The following AUTS2 variants were observed in gnomAD, a reference collection of about 807,000 sequenced individuals.
AUTS2 encodes autism susceptibility gene 2 protein.
Under a neutral mutation model 112.4 loss-of-function variants are expected in AUTS2, and 17 were observed. The observed-to-expected ratio is 0.15, with a 90% CI of 0.10 to 0.23. AUTS2 has a LOEUF of 0.23. AUTS2 is among the 10% of genes least tolerant of loss of function. AUTS2 has a pLI of 1.00. For missense variants in AUTS2, 1,510 were observed against 1,701.6 expected (o/e 0.89, Z 1.98); for synonymous variants, 751 against 702.7 (o/e 1.07, Z -1.09).
intron 5 of AUTS2, among the ~76,000 whole-genome samples, chr7:70,447,711 C>G (rs1170193489): frequency 1.3e-5 from 2 of 152,142 alleles, no homozygotes; most frequent in East Asian, 3.9e-4. Flanking sequence ...AACTGTAATA[C>G]GTTGGAATAC....
rs543562068 is a variant in AUTS2, at chr7:70,328,640, C to T, written c.661-107112C>T. On this transcript the variant is annotated intron_variant, in intron 4 of 18. Coordinates refer to ENST00000342771, the MANE Select transcript of AUTS2 (RefSeq NM_015570.4). ...GCTTGGAAGTTGTAGACCTTACTCT[C>T]AAGAAGTTTCTGTGCAAGAGAGCAA... is the stretch of plus-strand genomic sequence containing the variant. Among the ~76,000 whole-genome samples, 7 of 152,196 alleles carry T rather than the reference C, an allele frequency of 4.6e-5. No individual in the cohort carries two copies. In the East Asian group the frequency reaches 1.4e-3, roughly 29 times the overall value.
chr7:69,839,498 T>A (rs1052358598), intron 1 of AUTS2, among the ~76,000 whole-genome samples: 7 of 152,186 alleles, frequency 4.6e-5, no homozygotes, highest in Non-Finnish European at 8.8e-5. Context: ...TCTTCTATAA[T>A]AGGACCTTAT....
intron 1 of AUTS2, among the ~76,000 whole-genome samples, chr7:69,732,217 G>A (rs910535348): frequency 1.3e-5 from 2 of 152,068 alleles, no homozygotes; most frequent in Admixed American, 6.6e-5. Flanking sequence ...AGTACTTACT[G>A]CTGCTGTCTC....
At chr7:70,174,372 A>C (rs967568437) in intron 4 of AUTS2, among the ~76,000 whole-genome samples, 1 of 152,260 alleles carries the variant, frequency 6.6e-6, no homozygotes, top group Non-Finnish European at 1.5e-5. Flanking sequence ...GAAAGGAACT[A>C]TCTCTAGAAC....
intron 4 of AUTS2, among the ~76,000 whole-genome samples, chr7:70,401,321 C>T (rs1794317535): frequency 6.6e-6 from 1 of 152,170 alleles, no homozygotes; most frequent in Non-Finnish European, 1.5e-5. Flanking sequence ...TCAGCTCCTC[C>T]TGGGGAAGCC....
chr7:69,805,526 T>TA (rs1345576711), intron 1 of AUTS2, among the ~76,000 whole-genome samples: 1 of 151,796 alleles, frequency 6.6e-6, no homozygotes, highest in Non-Finnish European at 1.5e-5. Context: ...AATGTGACTA[T>TA]AAAAAAGAAC....
chr7:70,629,021 G>A (rs1563086716), intron 5 of AUTS2, among the ~76,000 whole-genome samples: 1 of 152,114 alleles, frequency 6.6e-6, no homozygotes, highest in Non-Finnish European at 1.5e-5. Context: ...CTGAGGTTCT[G>A]GTGGCAGGTT....
chr7:70,313,977 G>A (rs1485199522), intron 4 of AUTS2, among the ~76,000 whole-genome samples: 2 of 152,196 alleles, frequency 1.3e-5, no homozygotes, highest in African/African-American at 2.4e-5. Flanking sequence ...TACATAGTAG[G>A]AGCGATGGTT....
At chr7:70,752,297 T>G (rs1047654548) in intron 6 of AUTS2, among the ~76,000 whole-genome samples, 2 of 152,120 alleles carry the variant, frequency 1.3e-5, no homozygotes, top group African/African-American at 2.4e-5. Context: ...TTTAAAAGCT[T>G]TCTCCGAAAC....
At chr7:69,692,024 A>C (rs1797370598) in intron 1 of AUTS2, among the ~76,000 whole-genome samples, 1 of 152,094 alleles carries the variant, frequency 6.6e-6, no homozygotes, top group Non-Finnish European at 1.5e-5. Flanking sequence ...CCAGCTGAGC[A>C]CCTTAGAGCT....
At chr7:70,710,954 A>G (rs1465136046) in intron 6 of AUTS2, among the ~76,000 whole-genome samples, 2 of 152,250 alleles carry the variant, frequency 1.3e-5, no homozygotes, top group African/African-American at 4.8e-5. Flanking sequence ...ACATCAAATC[A>G]GTTTGATTTC....
chr7:70,407,476 T>G (rs1181366877), intron 4 of AUTS2, among the ~76,000 whole-genome samples: 1 of 152,120 alleles, frequency 6.6e-6, no homozygotes, highest in Non-Finnish European at 1.5e-5. Flanking sequence ...AAAATAAAAA[T>G]CTCAGCATCA....
intron 2 of AUTS2, among the ~76,000 whole-genome samples, chr7:69,951,166 A>C (rs1797011477): frequency 6.6e-6 from 1 of 152,180 alleles, no homozygotes. Flanking sequence ...TATTTGACTC[A>C]GCAAAAATAG....
At chr7:69,700,169 G>T (rs1371859247) in intron 1 of AUTS2, among the ~76,000 whole-genome samples, 1 of 152,150 alleles carries the variant, frequency 6.6e-6, no homozygotes, top group African/African-American at 2.4e-5. Flanking sequence ...TCTGATAGGA[G>T]AAAATTGGTA....
At chr7:70,721,118 G>T (rs184371570) in intron 6 of AUTS2, among the ~76,000 whole-genome samples, 58 of 151,786 alleles carry the variant, frequency 3.8e-4, no homozygotes, top group African/African-American at 1.4e-3. Flanking sequence ...CATTTGCTGA[G>T]CCCCAAATAT....
At chr7:70,193,256 T>C (rs1809998393) in intron 4 of AUTS2, among the ~76,000 whole-genome samples, 2 of 152,132 alleles carry the variant, frequency 1.3e-5, no homozygotes, top group Admixed American at 1.3e-4. Flanking sequence ...TATCTAAACG[T>C]ATGCATTTGT....
intron 4 of AUTS2, among the ~76,000 whole-genome samples, chr7:70,355,702 C>T (rs1791979253): frequency 6.6e-6 from 1 of 152,084 alleles, no homozygotes; most frequent in African/African-American, 2.4e-5. Context: ...CTTTGAGAAG[C>T]TTTATGGCTC....
In AUTS2 at chr7:70,762,903, A is replaced by G. The variant is rs1238595170; in HGVS notation, c.776A>G (p.His259Arg). The G allele has an allele frequency of 1.2e-5, 19 of 1,613,944 alleles. No individual in the cohort carries two copies. Among genetic ancestry groups the G allele is most frequent in the Admixed American group, 1.7e-5 (1 of 60,010 alleles). ...TTAGGTGTTGGCACGCTACCAGAAC[A>G]TGACAGCCAGGATGCAGGGCCGATT... ...PELGVGTLPE[H>R]DSQDAGPIVP... is the part of the protein sequence containing the mutation. The change falls in exon 7 of 19, where the codon CAT (histidine) becomes CGT (arginine). Residue 259 changes from histidine to arginine, a missense_variant. By Grantham distance (29) the His-to-Arg change is conservative (BLOSUM62 0). This residue lies in a region of AUTS2 where 535 missense variants were observed against 594.3 expected (regional missense o/e 0.90). Coordinates refer to ENST00000342771, the MANE Select transcript of AUTS2 (RefSeq NM_015570.4).
chr7:69,868,798 G>A (rs1250343810), intron 1 of AUTS2, among the ~76,000 whole-genome samples: 1 of 152,050 alleles, frequency 6.6e-6, no homozygotes, highest in East Asian at 1.9e-4. Context: ...AGGCCTTTTG[G>A]GCCATTGCTC....
Sources: gnomAD v4.1 joint callset for allele counts (sites outside exome capture counted in the v4.1 genomes callset) on GRCh38, gnomAD v4.1.1 for gene constraint, gnomAD v4.1.1 regional missense constraint, MANE v1.5 for transcripts, NCBI Gene and HGNC (gene_info 2026-07-23, HGNC 2026-07-21) for gene names.